RFX3: variants seen among roughly 807,000 people sequenced by gnomAD.
RFX3 encodes the protein transcription factor RFX3.
RFX3 carries 14 observed loss-of-function variants against 98.6 expected under a neutral mutation model. The ratio of observed to expected loss-of-function variants is 0.14; its 90% CI spans 0.09 to 0.22. The LOEUF (loss-of-function observed/expected upper bound fraction) is 0.22. Ranked by LOEUF, RFX3 falls within the 10% of genes least tolerant of loss-of-function variation. The pLI is 1.00. For missense variants in RFX3, 639 were observed against 926.9 expected (o/e 0.69, Z 4.03); for synonymous variants, 383 against 328.4 (o/e 1.17, Z -1.80).
chr9:3,284,973 C>T (rs1409111111), intron 7 of RFX3, among the ~76,000 whole-genome samples: 1 of 151,684 alleles, frequency 6.6e-6, no homozygotes, highest in Non-Finnish European at 1.5e-5. Context: ...CCCATCAAAC[C>T]TTCAAGTGAC....
chr9:3,434,345 A>C (rs1844926603), intron 1 of RFX3, among the ~76,000 whole-genome samples: 1 of 152,162 alleles, frequency 6.6e-6, no homozygotes, highest in African/African-American at 2.4e-5. Flanking sequence ...ATCCTTTATA[A>C]GGCTCATCCT....
chr9:3,475,511 A>G (rs961602327), intron 1 of RFX3, among the ~76,000 whole-genome samples: 5 of 152,206 alleles, frequency 3.3e-5, no homozygotes, highest in African/African-American at 9.6e-5. Context: ...CAGCCAAGGC[A>G]GACAGAGAGA....
chr9:3,411,194 T>C (rs1257903670), intron 1 of RFX3, among the ~76,000 whole-genome samples: 4 of 152,168 alleles, frequency 2.6e-5, no homozygotes, highest in Non-Finnish European at 4.4e-5. Context: ...ATATGAAAAT[T>C]ATATTCCCTT....
chr9:3,333,190 CTTTTA>C (rs1160648581), intron 3 of RFX3, among the ~76,000 whole-genome samples: 1 of 152,144 alleles, frequency 6.6e-6, no homozygotes, highest in East Asian at 1.9e-4. Flanking sequence ...TATCACAAAT[CTTTTA>C]TTTTGTTAAA....
At chr9:3,376,928 A>G (rs1211854174) in intron 2 of RFX3, among the ~76,000 whole-genome samples, 1 of 152,198 alleles carries the variant, frequency 6.6e-6, no homozygotes, top group Non-Finnish European at 1.5e-5. Context: ...GGCGATCATT[A>G]AAAAGTCAGG....
chr9:3,416,262 G>T (rs945085199), intron 1 of RFX3, among the ~76,000 whole-genome samples: 6 of 152,114 alleles, frequency 3.9e-5, no homozygotes, highest in African/African-American at 1.4e-4. Context: ...GCCCTGTAAG[G>T]TGATTATTCT....
chr9:3,270,081 G>GGAAGGAAA (rs1824191231), intron 11 of RFX3, among the ~76,000 whole-genome samples: 1 of 137,776 alleles, frequency 7.3e-6, no homozygotes, highest in Non-Finnish European at 1.5e-5. Flanking sequence ...AGAGAAAGAA[G>GGAAGGAAA]GAAAGAAAGA....
chr9:3,330,012 A>C (rs1254673044), intron 4 of RFX3, among the ~76,000 whole-genome samples: 1 of 152,216 alleles, frequency 6.6e-6, no homozygotes, highest in Non-Finnish European at 1.5e-5. Flanking sequence ...CAGTTTAATG[A>C]GTAAAACTCA....
At chr9:3,424,432 A>G (rs370152082) in intron 1 of RFX3, among the ~76,000 whole-genome samples, 4,553 of 119,224 alleles carry the variant, frequency 0.038, 220 homozygotes, top group African/African-American at 0.13. Context: ...CGCGATCTCG[A>G]CTCACTGCAA....
At chr9:3,413,114 T>C (rs548140004) in intron 1 of RFX3, among the ~76,000 whole-genome samples, 5 of 150,896 alleles carry the variant, frequency 3.3e-5, no homozygotes, top group Non-Finnish European at 5.9e-5. Context: ...TGTCATTTTA[T>C]AGCAAGATCG....
intron 4 of RFX3, among the ~76,000 whole-genome samples, chr9:3,312,674 T>C (rs1317431356): frequency 1.3e-5 from 2 of 151,654 alleles, no homozygotes; most frequent in Non-Finnish European, 2.9e-5. Flanking sequence ...AGACGGGTGA[T>C]TTCTGCATTT....
intron 11 of RFX3, among the ~76,000 whole-genome samples, chr9:3,269,942 G>A (rs1422182062): frequency 6.6e-6 from 1 of 152,082 alleles, no homozygotes; most frequent in African/African-American, 2.4e-5. Context: ...CTTTATGAAG[G>A]AGACTGTGTC....
At chr9:3,277,575 T>C (rs2131425267) in intron 7 of RFX3, 114 bp from the exon 8 acceptor site, 1 of 846,296 alleles carries the variant, frequency 1.2e-6, no homozygotes, top group Non-Finnish European at 1.8e-6. Flanking sequence ...CGTCTCATGA[T>C]AGTTGTAGGA....
chr9:3,371,221 T>C (rs1791478061), intron 2 of RFX3, among the ~76,000 whole-genome samples: 1 of 152,166 alleles, frequency 6.6e-6, no homozygotes. Context: ...GATGTCTCTG[T>C]TCATAGTGCT....
intron 2 of RFX3, among the ~76,000 whole-genome samples, chr9:3,388,169 T>C (rs530024571): frequency 5.3e-5 from 8 of 152,126 alleles, no homozygotes; most frequent in Non-Finnish European, 1.2e-4. Context: ...AAGATGGAAA[T>C]GACCCAGTAT....
At chr9:3,279,177 C>A (rs1825617117) in intron 7 of RFX3, among the ~76,000 whole-genome samples, 1 of 151,764 alleles carries the variant, frequency 6.6e-6, no homozygotes, top group South Asian at 2.1e-4. Context: ...AGTTGCTAGC[C>A]ATTCTGTTGT....
intron 4 of RFX3, among the ~76,000 whole-genome samples, chr9:3,316,452 T>C (rs970073857): frequency 2.0e-5 from 3 of 152,180 alleles, no homozygotes; most frequent in African/African-American, 7.2e-5. Context: ...ATCATTCCCT[T>C]TGAAAACTGG....
At chr9:3,237,223 T>A (rs2130801119) in intron 15 of RFX3, among the ~76,000 whole-genome samples, 1 of 152,334 alleles carries the variant, frequency 6.6e-6, no homozygotes, top group East Asian at 1.9e-4. Context: ...GTTTTCCCAC[T>A]CTATTTTGTT....
chr9:3,510,360 T>C (rs1817553033), intron 1 of RFX3, among the ~76,000 whole-genome samples: 1 of 151,692 alleles, frequency 6.6e-6, no homozygotes, highest in Non-Finnish European at 1.5e-5. Context: ...CAAACAAAAC[T>C]CTCCTTTAAA....
Sources: gnomAD v4.1 joint callset for allele counts (sites outside exome capture counted in the v4.1 genomes callset) on GRCh38, gnomAD v4.1.1 for gene constraint, MANE v1.5 for transcripts, NCBI Gene and HGNC (gene_info 2026-07-23, HGNC 2026-07-21) for gene names.